The following MAP3K4 variants were observed in gnomAD, a reference collection of about 807,000 sequenced individuals.
The protein encoded by MAP3K4 is MAP three kinase 1.
MAP3K4 carries 67 observed loss-of-function variants against 185.6 expected under a neutral mutation model. That is an observed-to-expected ratio of 0.36 (90% confidence interval 0.30 to 0.44). The LOEUF (loss-of-function observed/expected upper bound fraction) is 0.44. Among genes scored for constraint, MAP3K4 ranks in the 20% least tolerant of loss-of-function variants. MAP3K4 has a pLI of 1.00. For missense variants in MAP3K4, 1,551 were observed against 1,995.1 expected, an observed-to-expected ratio of 0.78 and a Z score of 4.24; for synonymous variants, 702 against 710.4, an observed-to-expected ratio of 0.99 and a Z score of 0.19.
chr6:161,089,398 A>G lies in MAP3K4; in HGVS notation c.2900A>G (p.Glu967Gly), dbSNP rs750943853. 1 of 1,614,206 alleles carries G rather than the reference A, an allele frequency of 6.2e-7. No homozygotes were observed. The highest frequency in any genetic ancestry group is 8.5e-7 in the Non-Finnish European group (1 of 1,180,026). The change falls in exon 11 of 27, where the codon GAG becomes GGG. Residue 967 changes from glutamate (E) to glycine (G), a missense_variant. By Grantham distance (98) the Glu-to-Gly change is moderately conservative. Transcript: ENST00000392142. The stretch of plus-strand genomic sequence containing the variant: ...AGAAAAGCTTTCCAGCAGTCCATTG[A>G]GGGACTTATGACTCTGTGCCAGGAG... ...IQRKAFQQSI[E>G]GLMTLCQEQT...
intron 4 of MAP3K4, among the ~76,000 whole-genome samples, chr6:161,072,783 A>T (rs1002718464): frequency 2.7e-4 from 41 of 152,316 alleles, no homozygotes; most frequent in African/African-American, 9.9e-4. Context: ...ATTGTGTCTC[A>T]GTCTTTTTAT....
In MAP3K4 at chr6:161,087,540, G is replaced by A. The variant is rs1785792028; in HGVS notation, c.2557-148G>A. 1.2e-5 allele frequency: 9 copies of A among 752,016 alleles called. No homozygotes were observed. Among genetic ancestry groups the A allele is most frequent in the South Asian group, 4.8e-5 (3 of 63,098 alleles). 46.6% of individuals were successfully genotyped at this position (752,016 alleles called of 1,614,324 possible). A position where few individuals can be genotyped will look rare whatever the true frequency, so the allele number is the denominator to read the frequency against. ...TGCCTCCTTCAGTCACACTGAAGCC[G>A]GCTACCTGCAGTTCCCTCACTGCTC... On this transcript the variant is annotated intron_variant, in intron 9 of 26. Coordinates refer to ENST00000392142, the MANE Select transcript of MAP3K4 (RefSeq NM_005922.4). This position sits in a 1 kb window ranked among gnomAD's most constrained non-coding sequence, Gnocchi z 4.9.
chr6:161,115,244 A>C lies in MAP3K4; in HGVS notation c.4748A>C (p.Glu1583Ala). 6.2e-7 allele frequency: 1 copy of C among 1,614,192 alleles called. No individual in the cohort carries two copies. The highest frequency in any genetic ancestry group is 8.5e-7 in the Non-Finnish European group (1 of 1,180,014). ...AAGGACTTCCTTTCTCACTGCCTTGAGAGTGACCCAAAGATGAGATGGACC... is the reference window on the plus strand; with the variant it reads ...AAGGACTTCCTTTCTCACTGCCTTGCGAGTGACCCAAAGATGAGATGGACC... ...EGKDFLSHCL[E>A]SDPKMRWTAS... is the part of the protein sequence containing the mutation. The change falls in exon 26 of 27, where the codon GAG becomes GCG. Residue 1583 changes from glutamate (E) to alanine (A), a missense_variant. Glu to Ala is a moderately radical substitution (Grantham distance 107). Transcript: ENST00000392142. This position sits in a 1 kb window ranked among gnomAD's most constrained non-coding sequence, Gnocchi z 6.0.
Position 161,063,557 on chromosome 6 carries a change from G to A in MAP3K4, c.1708-7051G>A, listed in dbSNP as rs1784572417. On this transcript the variant is annotated intron_variant, in intron 3 of 26. Coordinates refer to ENST00000392142, the MANE Select transcript of MAP3K4 (RefSeq NM_005922.4). The surrounding 1 kb of genome is among the most constrained non-coding windows in gnomAD (Gnocchi z 5.4). The stretch of plus-strand genomic sequence containing the variant: ...TGTTATTGTTTGAGGTCTGTGGACT[G>A]TTCTTCTTCCCATGTTCTCGATCTC... Among the ~76,000 whole-genome samples the A allele has an allele frequency of 6.6e-6, 1 of 152,142 alleles. No homozygotes were observed. Among genetic ancestry groups the A allele is most frequent in the African/African-American group, 2.4e-5 (1 of 41,426 alleles).
chr6:161,102,812 A>AC, intron 19 of MAP3K4, 33 bp downstream of exon 19: 1 of 1,411,176 alleles, frequency 7.1e-7, no homozygotes, highest in Non-Finnish European at 9.6e-7. Flanking sequence ...TAAAAAAAAA[A>AC]AAAAAAAAAA....
chr6:161,085,834 G>A (rs919822159), intron 7 of MAP3K4, among the ~76,000 whole-genome samples: 1 of 152,200 alleles, frequency 6.6e-6, no homozygotes, highest in Admixed American at 6.5e-5. Flanking sequence ...GCCATGGGCA[G>A]TGGTGTGCTG....
At position 161,080,931 on chromosome 6, in the gene MAP3K4, T is replaced by G. The variant is rs1258037512; in HGVS notation, c.2148T>G (p.Pro716=). 1.9e-6 allele frequency: 3 copies of G among 1,613,996 alleles called. No homozygotes were observed. The African/African-American group carries it at 4.0e-5, about 22-fold the overall frequency. The change falls in exon 6 of 27, where the codon CCT becomes CCG. Residue 716 remains proline, a synonymous_variant. Coordinates refer to ENST00000392142, the MANE Select transcript of MAP3K4 (RefSeq NM_005922.4). The surrounding 1 kb of genome is among the most constrained non-coding windows in gnomAD (Gnocchi z 4.8). ...RSWIQMLQQL[P]QASHSLKNLL... ...GGATCCAAATGCTACAGCAATTACCTCAAGCATCGCATAGTTTAAAAAATC... is the reference window on the plus strand; with the variant it reads ...GGATCCAAATGCTACAGCAATTACCGCAAGCATCGCATAGTTTAAAAAATC...
rs116264634 is a variant in MAP3K4, at chr6:161,063,021, A to G, written c.1708-7587A>G. 7.8e-3 allele frequency among the ~76,000 whole-genome samples: 1,182 copies of G among 151,358 alleles called. 14 individuals are homozygous for G. The highest frequency in any genetic ancestry group is 0.027 in the African/African-American group (1,105 of 41,256). ...TGTCTTCTCTGTCATTTCATTTCAGATCTTTTCTTTTTCTTAGTTTCTTTT... is the reference window on the plus strand; with the variant it reads ...TGTCTTCTCTGTCATTTCATTTCAGGTCTTTTCTTTTTCTTAGTTTCTTTT... On this transcript the variant is annotated intron_variant, in intron 3 of 26. Coordinates refer to ENST00000392142, the MANE Select transcript of MAP3K4 (RefSeq NM_005922.4). The surrounding 1 kb of genome is among the most constrained non-coding windows in gnomAD (Gnocchi z 5.4).
chr6:161,066,378 T>C (rs1214012725), intron 3 of MAP3K4, among the ~76,000 whole-genome samples: 1 of 151,998 alleles, frequency 6.6e-6, no homozygotes, highest in Non-Finnish European at 1.5e-5. Flanking sequence ...CCATGTCTCT[T>C]GTTTTTACTC....
At position 161,070,532 on chromosome 6, in the gene MAP3K4, A is replaced by G; in HGVS notation, c.1708-76A>G. 1 of 1,250,790 alleles carries G rather than the reference A, an allele frequency of 8.0e-7. No homozygotes were observed. Among genetic ancestry groups the G allele is most frequent in the South Asian group, 1.5e-5 (1 of 68,094 alleles). 77.5% of individuals were successfully genotyped at this position (1,250,790 alleles called of 1,614,324 possible). A position where few individuals can be genotyped will look rare whatever the true frequency, so the allele number is the denominator to read the frequency against. On this transcript the variant is annotated intron_variant, in intron 3 of 26. Coordinates refer to ENST00000392142, the MANE Select transcript of MAP3K4 (RefSeq NM_005922.4). The surrounding 1 kb of genome is among the most constrained non-coding windows in gnomAD (Gnocchi z 4.5). The stretch of plus-strand genomic sequence containing the variant: ...GATTTGTTAGCACATTGTAGAGAAT[A>G]AGAGTTTATAACCACAACCGTAGAA...
Position 161,096,871 on chromosome 6 carries a change from TTAATATA to T in MAP3K4, c.3428-203_3428-197del, listed in dbSNP as rs1777596431. 2.1e-6 allele frequency: 1 copy of T among 465,760 alleles called. No homozygotes were observed. Among genetic ancestry groups the T allele is most frequent in the Non-Finnish European group, 3.8e-6 (1 of 261,252 alleles). 28.9% of individuals were successfully genotyped at this position (465,760 alleles called of 1,614,324 possible). ...AAATGTTTTTTGATGGAGAAAACTG[TTAATATA>T]TAATAGGGCTTTACTGACTTTTAAA... On this transcript the variant is annotated intron_variant, in intron 15 of 26. Coordinates refer to ENST00000392142, the MANE Select transcript of MAP3K4 (RefSeq NM_005922.4). The surrounding 1 kb of genome is among the most constrained non-coding windows in gnomAD (Gnocchi z 4.9).
chr6:161,068,116 T>G (rs1162763275), intron 3 of MAP3K4, among the ~76,000 whole-genome samples: 1 of 152,190 alleles, frequency 6.6e-6, no homozygotes, highest in Non-Finnish European at 1.5e-5. Context: ...CCGAGCTAAG[T>G]TTTAGAGACC....
chr6:161,096,910 C>A lies in MAP3K4; in HGVS notation c.3428-170C>A. 1.9e-6 allele frequency: 1 copy of A among 518,272 alleles called. No homozygotes were observed. The allele number at this position is 518,272 out of a possible 1,614,324, so 32.1% of individuals were successfully genotyped here. Reference sequence around the variant, plus strand: ...GGCTTTACTGACTTTTAAAAAGTGACATTTTCCATAATATTTGTATATGTA... The same window carrying A: ...GGCTTTACTGACTTTTAAAAAGTGAAATTTTCCATAATATTTGTATATGTA... On this transcript the variant is annotated intron_variant, in intron 15 of 26. Transcript: ENST00000392142. The surrounding 1 kb of genome is among the most constrained non-coding windows in gnomAD (Gnocchi z 4.9).
chr6:161,021,662 A>C (rs1048549256), intron 1 of MAP3K4, among the ~76,000 whole-genome samples: 1 of 152,200 alleles, frequency 6.6e-6, no homozygotes, highest in Non-Finnish European at 1.5e-5. Flanking sequence ...TATACTTGAA[A>C]TACACTTGTG....
chr6:161,041,362 G>A (rs772661492), intron 2 of MAP3K4, among the ~76,000 whole-genome samples: 5 of 152,164 alleles, frequency 3.3e-5, no homozygotes, highest in African/African-American at 7.2e-5. Flanking sequence ...GCATCTCTAC[G>A]CTGCCAGTCA....
In MAP3K4 at chr6:161,070,917, A is replaced by T. The variant is rs1784910614; in HGVS notation, c.1950+67A>T. ...ATTATCCTACAGGCTTATCATTTTTATTTTGAGAGTTCCTTTTTTTTTCTT... is the reference window on the plus strand; with the variant it reads ...ATTATCCTACAGGCTTATCATTTTTTTTTTGAGAGTTCCTTTTTTTTTCTT... On this transcript the variant is annotated intron_variant, in intron 4 of 26. Coordinates refer to ENST00000392142, the MANE Select transcript of MAP3K4 (RefSeq NM_005922.4). This position sits in a 1 kb window ranked among gnomAD's most constrained non-coding sequence, Gnocchi z 4.5. The T allele has an allele frequency of 1.5e-6, 2 of 1,376,990 alleles. No individual in the cohort carries two copies. Among genetic ancestry groups the T allele is most frequent in the Admixed American group, 5.8e-5 (2 of 34,560 alleles). The allele number at this position is 1,376,990 out of a possible 1,614,324, so 85.3% of individuals were successfully genotyped here. A position where few individuals can be genotyped will look rare whatever the true frequency, so the allele number is the denominator to read the frequency against.
chr6:161,096,612 T>C lies in MAP3K4; in HGVS notation c.3428-468T>C, dbSNP rs574104383. The C allele has an allele frequency of 6.6e-6, 1 of 152,440 alleles. No individual in the cohort carries two copies. 9.4% of individuals were successfully genotyped at this position (152,440 alleles called of 1,614,324 possible). A position where few individuals can be genotyped will look rare whatever the true frequency, so the allele number is the denominator to read the frequency against. The stretch of plus-strand genomic sequence containing the variant: ...TCTTGAAAAAAATGACTCAGTTAAA[T>C]CTACCTGATCTGGTTTAAAGGAACT... On this transcript the variant is annotated intron_variant, in intron 15 of 26. Coordinates refer to ENST00000392142, the MANE Select transcript of MAP3K4 (RefSeq NM_005922.4). This position sits in a 1 kb window ranked among gnomAD's most constrained non-coding sequence, Gnocchi z 4.9.
intron 15 of MAP3K4, among the ~76,000 whole-genome samples, chr6:161,094,279 A>G (rs905195681): frequency 3.9e-5 from 6 of 152,196 alleles, no homozygotes; most frequent in African/African-American, 1.4e-4. Context: ...CCATTTCTCC[A>G]CAGCTTTCCC....
At chr6:161,113,531 A>C (rs1159373742) in intron 25 of MAP3K4, among the ~76,000 whole-genome samples, 6 of 152,170 alleles carry the variant, frequency 3.9e-5, no homozygotes, top group Admixed American at 3.3e-4. Flanking sequence ...TTCAGTTAAC[A>C]GTAGTGCATT....
Sources: allele counts gnomAD v4.1 joint callset (sites outside exome capture counted in the v4.1 genomes callset), GRCh38; gene constraint gnomAD v4.1.1; non-coding constraint Gnocchi (gnomAD v3.1); transcripts MANE v1.5; gene names NCBI Gene and HGNC (gene_info 2026-07-23, HGNC 2026-07-21).